The following PLXNA2 variants were observed in gnomAD, a reference collection of about 807,000 sequenced individuals.
The protein encoded by PLXNA2 is plexin-A2.
In PLXNA2, 91 loss-of-function variants were observed where a neutral mutation model predicts 193.5. The observed-to-expected ratio is 0.47, with a 90% CI of 0.40 to 0.56. PLXNA2 has a LOEUF of 0.56. PLXNA2 is among the 20% of genes least tolerant of loss of function. The pLI is 0.00. For missense variants in PLXNA2, 1,995 were observed against 2,503.2 expected, an observed-to-expected ratio of 0.80 and a Z score of 4.33; for synonymous variants, 997 against 1,027.3, an observed-to-expected ratio of 0.97 and a Z score of 0.56.
At chr1:208,180,812 C>G (rs1051570154) in intron 3 of PLXNA2, among the ~76,000 whole-genome samples, 1 of 152,142 alleles carries the variant, frequency 6.6e-6, no homozygotes, top group African/African-American at 2.4e-5. Flanking sequence ...TCGAGGGGAA[C>G]TGGGATGGAA....
In PLXNA2 at chr1:208,042,328, C is replaced by T. The variant is rs758707091; in HGVS notation, c.4056G>A (p.Leu1352=). ...GNGQQHVEKA[L]KLFAQLINNK... is the part of the protein sequence containing the mutation. ...TGTTGATGAGCTGGGCAAAGAGCTTCAGGGCCTTCTCCACGTGCTGCTGCC... is the reference window on the plus strand; with the variant it reads ...TGTTGATGAGCTGGGCAAAGAGCTTTAGGGCCTTCTCCACGTGCTGCTGCC... The change falls in exon 22 of 32, where the codon CTG becomes CTA. Residue 1352 remains leucine, a synonymous_variant. Transcript: ENST00000367033. 1 of 1,614,170 alleles carries T rather than the reference C, an allele frequency of 6.2e-7. No homozygotes were observed. Among genetic ancestry groups the T allele is most frequent in the South Asian group, 1.1e-5 (1 of 91,080 alleles).
chr1:208,164,863 T>C (rs950806507), intron 3 of PLXNA2, among the ~76,000 whole-genome samples: 26 of 152,306 alleles, frequency 1.7e-4, no homozygotes, highest in African/African-American at 5.8e-4. Flanking sequence ...GCCGGGACCC[T>C]TGTCTGCAGA....
intron 9 of PLXNA2, among the ~76,000 whole-genome samples, chr1:208,085,646 G>C (rs1330432210): frequency 1.3e-5 from 2 of 152,224 alleles, no homozygotes. Context: ...CTCACACAGG[G>C]AATCTCCTGT....
At chr1:208,039,509 C>G (rs2102313918) in intron 24 of PLXNA2, 112 bp downstream of exon 24, 1 of 1,457,750 alleles carries the variant, frequency 6.9e-7, no homozygotes, top group Admixed American at 1.8e-5. Flanking sequence ...CACCCCAGAC[C>G]AGCCTCCCAT....
intron 4 of PLXNA2, among the ~76,000 whole-genome samples, chr1:208,118,816 T>G (rs1667720211): frequency 6.6e-6 from 1 of 151,776 alleles, no homozygotes; most frequent in Admixed American, 6.6e-5. Context: ...GTTGTCTGAG[T>G]CTCTATTTTA....
chr1:208,232,341 C>T (rs1387350697), intron 1 of PLXNA2, among the ~76,000 whole-genome samples: 1 of 152,216 alleles, frequency 6.6e-6, no homozygotes, highest in Non-Finnish European at 1.5e-5. Flanking sequence ...CCCAAGAGTG[C>T]AGAAGGCTCC....
At chr1:208,158,159 C>A (rs1287072025) in intron 3 of PLXNA2, among the ~76,000 whole-genome samples, 1 of 152,190 alleles carries the variant, frequency 6.6e-6, no homozygotes, top group East Asian at 1.9e-4. Context: ...AAGAGACAGT[C>A]ACATAAATAC....
In PLXNA2 at chr1:208,033,310, G is replaced by A; in HGVS notation, c.5055+9C>T. On this transcript the variant is annotated intron_variant, in intron 28 of 31. Transcript: ENST00000367033. ...AAGCACTCCCTGGTCTGGGCAGAGG[G>A]GGAGTTACCTTGGTGGCCAGTAGCC... 1.2e-6 allele frequency: 2 copies of A among 1,609,662 alleles called. No individual in the cohort carries two copies. Among genetic ancestry groups the A allele is most frequent in the Non-Finnish European group, 1.7e-6 (2 of 1,177,136 alleles).
At chr1:208,117,952 C>T (rs1226809141) in intron 4 of PLXNA2, among the ~76,000 whole-genome samples, 1 of 152,192 alleles carries the variant, frequency 6.6e-6, no homozygotes, top group Non-Finnish European at 1.5e-5. Flanking sequence ...AAAGGCCTTT[C>T]ATTATCTACA....
intron 9 of PLXNA2, among the ~76,000 whole-genome samples, chr1:208,086,052 G>A (rs756657447): frequency 5.9e-5 from 9 of 152,110 alleles, no homozygotes; most frequent in Non-Finnish European, 8.8e-5. Context: ...CTGCAAGGCC[G>A]TCCCTGCCCC....
At chr1:208,159,442 C>T (rs945308919) in intron 3 of PLXNA2, among the ~76,000 whole-genome samples, 9 of 152,222 alleles carry the variant, frequency 5.9e-5, no homozygotes, top group African/African-American at 1.2e-4. Context: ...TGCTAAAGTA[C>T]CAGGCTCCAG....
rs116552716 is a variant in PLXNA2, at chr1:208,233,132, T to C, written c.-81+10511A>G. Among the ~76,000 whole-genome samples the C allele has an allele frequency of 6.3e-3, 962 of 152,270 alleles. 13 individuals carry two copies. The highest frequency in any genetic ancestry group is 0.021 in the African/African-American group (883 of 41,552). On this transcript the variant is annotated intron_variant, in intron 1 of 31. Coordinates refer to ENST00000367033, the MANE Select transcript of PLXNA2 (RefSeq NM_025179.4). ...TCTGGCTAATCTCTCTCCTTCTGTC[T>C]TTTTGCAATACTTATTTGTGACTTG...
rs1571848559 is a variant in PLXNA2 at position 208,038,364 on chromosome 1, C to T, written c.4764+7G>A. 1 of 1,588,886 alleles carries T rather than the reference C, an allele frequency of 6.3e-7. No homozygotes were observed. Among genetic ancestry groups the T allele is most frequent in the Non-Finnish European group, 8.6e-7 (1 of 1,156,870 alleles). ...AGCTGAAGAGGGGAAAAGACACCCC[C>T]TCTCACCTGATAATGCATCAGTGTG... On this transcript the variant is annotated splice_region_variant and intron_variant, in intron 26 of 31. Coordinates refer to ENST00000367033, the MANE Select transcript of PLXNA2 (RefSeq NM_025179.4). The surrounding 1 kb of genome is among the most constrained non-coding windows in gnomAD (Gnocchi z 4.1).
At chr1:208,089,036 C>T (rs527775809) in intron 9 of PLXNA2, among the ~76,000 whole-genome samples, 6 of 152,126 alleles carry the variant, frequency 3.9e-5, no homozygotes, top group Non-Finnish European at 7.3e-5. Context: ...TATATATATG[C>T]TGCATATATA....
intron 2 of PLXNA2, among the ~76,000 whole-genome samples, chr1:208,210,863 G>A (rs1670920575): frequency 6.6e-6 from 1 of 152,194 alleles, no homozygotes. Flanking sequence ...TCAGTCTAAA[G>A]GCAACATTAC....
chr1:208,096,183 C>T (rs1199609216), intron 7 of PLXNA2, 58 bp from the exon 8 acceptor site: 2 of 1,286,342 alleles, frequency 1.6e-6, no homozygotes, highest in Admixed American at 3.4e-5. Flanking sequence ...ACCCAGTGGA[C>T]AGCCACAAAA....
At chr1:208,066,707 G>T (rs1310792985) in intron 12 of PLXNA2, among the ~76,000 whole-genome samples, 1 of 152,132 alleles carries the variant, frequency 6.6e-6, no homozygotes, top group African/African-American at 2.4e-5. Flanking sequence ...AGGACCTTCA[G>T]GAGGGATTCC....
intron 4 of PLXNA2, among the ~76,000 whole-genome samples, chr1:208,104,468 A>G (rs1168587768): frequency 2.0e-5 from 3 of 151,984 alleles, no homozygotes; most frequent in Non-Finnish European, 1.5e-5. Context: ...CATTGTGCTG[A>G]GTTTTTGTTG....
At chr1:208,068,185 G>A (rs1665858607) in intron 12 of PLXNA2, among the ~76,000 whole-genome samples, 5 of 152,180 alleles carry the variant, frequency 3.3e-5, no homozygotes, top group Admixed American at 3.3e-4. Flanking sequence ...CCTGGAACGA[G>A]TAACTGTCAA....
Sources: allele counts gnomAD v4.1 joint callset (sites outside exome capture counted in the v4.1 genomes callset), GRCh38; gene constraint gnomAD v4.1.1; non-coding constraint Gnocchi (gnomAD v3.1); transcripts MANE v1.5; gene names NCBI Gene and HGNC (gene_info 2026-07-23, HGNC 2026-07-21).